Variants in HEMK2 observed in about 807,000 individuals in gnomAD.
The protein encoded by HEMK2 is HemK methyltransferase 2, ETF1 glutamine and histone H4 lysine.
chr21:28,707,894 T>A, the HEMK2 span, among the ~76,000 whole-genome samples: 1 of 152,160 alleles, frequency 6.6e-6, no homozygotes, highest in Admixed American at 6.5e-5. Context: ...AAATATTGTT[T>A]TAAAAAATAA....
chr21:28,617,790 CTTTTT>C, the HEMK2 span, among the ~76,000 whole-genome samples: 1 of 147,880 alleles, frequency 6.8e-6, no homozygotes. Context: ...TCTTGACTGC[CTTTTT>C]TTTTTTTTTT....
the HEMK2 span, among the ~76,000 whole-genome samples, chr21:28,868,362 TA>T: frequency 6.6e-6 from 1 of 152,214 alleles, no homozygotes; most frequent in Non-Finnish European, 1.5e-5. Flanking sequence ...AAACATAAAA[TA>T]ACTTTCCATT....
At chr21:28,780,794 C>G in the HEMK2 span, among the ~76,000 whole-genome samples, 3 of 152,182 alleles carry the variant, frequency 2.0e-5, no homozygotes, top group Non-Finnish European at 2.9e-5. Context: ...CATTACAGTT[C>G]TTCTGCACTT....
the HEMK2 span, among the ~76,000 whole-genome samples, chr21:28,719,654 G>C: frequency 6.6e-6 from 1 of 152,140 alleles, no homozygotes; most frequent in Non-Finnish European, 1.5e-5. Context: ...TCACTTGGCT[G>C]TTCCACTCCC....
chr21:28,831,518 A>AAAGAAG, the HEMK2 span, among the ~76,000 whole-genome samples: 1 of 76,718 alleles, frequency 1.3e-5, no homozygotes, highest in Admixed American at 1.6e-4. Context: ...AAAGAAAGAA[A>AAAGAAG]GAAAGAAGGA....
At chr21:28,669,753 T>C in the HEMK2 span, among the ~76,000 whole-genome samples, 4 of 152,130 alleles carry the variant, frequency 2.6e-5, no homozygotes, top group East Asian at 5.8e-4. Flanking sequence ...ATGAAATCCA[T>C]ACACATGAAA....
At chr21:28,841,482 T>C in the HEMK2 span, among the ~76,000 whole-genome samples, 2 of 118,576 alleles carry the variant, frequency 1.7e-5, no homozygotes, top group African/African-American at 6.3e-5. Context: ...GAATACTACA[T>C]AGCCATAAAA....
the HEMK2 span, among the ~76,000 whole-genome samples, chr21:28,575,903 G>A: frequency 6.6e-6 from 1 of 152,168 alleles, no homozygotes. Context: ...ATGCATCCAT[G>A]TTGTTCCACA....
chr21:28,688,550 C>T, the HEMK2 span, among the ~76,000 whole-genome samples: 6 of 151,428 alleles, frequency 4.0e-5, no homozygotes, highest in Middle Eastern at 6.3e-3. Flanking sequence ...TGGTTAACTG[C>T]TTATCTCCAG....
the HEMK2 span, among the ~76,000 whole-genome samples, chr21:28,866,100 T>A: frequency 2.1e-5 from 3 of 140,386 alleles, no homozygotes; most frequent in African/African-American, 7.9e-5. Flanking sequence ...AGTCCAGGAA[T>A]TGGAGACCAG....
At chr21:28,595,260 T>C in the HEMK2 span, among the ~76,000 whole-genome samples, 396 of 136,422 alleles carry the variant, frequency 2.9e-3, 2 homozygotes, top group African/African-American at 0.011. Context: ...TATCAAATAC[T>C]AGGGCTTATT....
chr21:28,660,235 A>G, the HEMK2 span, among the ~76,000 whole-genome samples: 1 of 151,744 alleles, frequency 6.6e-6, no homozygotes, highest in Admixed American at 6.6e-5. Context: ...ACTTAATATC[A>G]TCTGTGAATA....
the HEMK2 span, among the ~76,000 whole-genome samples, chr21:28,643,947 T>C: frequency 6.6e-6 from 1 of 152,148 alleles, no homozygotes; most frequent in Admixed American, 6.5e-5. Flanking sequence ...AAGCCAGTGA[T>C]AGGAGCATGA....
At chr21:28,618,948 C>G in the HEMK2 span, among the ~76,000 whole-genome samples, 5 of 152,278 alleles carry the variant, frequency 3.3e-5, no homozygotes, top group African/African-American at 7.2e-5. Context: ...TGGTACCTCA[C>G]CGTATGACTG....
At chr21:28,700,034 G>A in the HEMK2 span, among the ~76,000 whole-genome samples, 1 of 152,144 alleles carries the variant, frequency 6.6e-6, no homozygotes, top group African/African-American at 2.4e-5. Context: ...CTTAAGGTGA[G>A]AAACAGACCA....
chr21:28,727,569 TA>T, the HEMK2 span, among the ~76,000 whole-genome samples: 1 of 152,356 alleles, frequency 6.6e-6, no homozygotes, highest in East Asian at 1.9e-4. Flanking sequence ...TTATGGATGC[TA>T]TAGAATTCAT....
chr21:28,798,474 G>A, the HEMK2 span, among the ~76,000 whole-genome samples: 2 of 151,916 alleles, frequency 1.3e-5, no homozygotes, highest in African/African-American at 4.8e-5. Context: ...TTCTGTGCTA[G>A]ACACCATGCT....
At chr21:28,823,821 C>T in the HEMK2 span, among the ~76,000 whole-genome samples, 1 of 152,058 alleles carries the variant, frequency 6.6e-6, no homozygotes, top group South Asian at 2.1e-4. Context: ...TATGTTAACC[C>T]TCTACTAACC....
At chr21:28,618,324 A>G in the HEMK2 span, among the ~76,000 whole-genome samples, 1 of 152,192 alleles carries the variant, frequency 6.6e-6, no homozygotes, top group Non-Finnish European at 1.5e-5. Context: ...CACAAAAACA[A>G]ATATGTTTTT....
Sources: allele counts gnomAD v4.1 joint callset (sites outside exome capture counted in the v4.1 genomes callset), GRCh38; gene constraint gnomAD v4.1.1; transcripts MANE v1.5; gene names NCBI Gene and HGNC (gene_info 2026-07-23, HGNC 2026-07-21).